ITPRID1: variants seen among roughly 807,000 people sequenced by gnomAD.
ITPRID1 encodes ITPR interacting domain containing 1.
In ITPRID1, 96 loss-of-function variants were observed where a neutral mutation model predicts 95.4. The observed-to-expected ratio is 1.01, with a 90% CI of 0.85 to 1.19. The LOEUF (loss-of-function observed/expected upper bound fraction) is 1.19. Ranked by LOEUF, ITPRID1 falls within the 50% of genes most tolerant of loss-of-function variation. The pLI, the probability that ITPRID1 is intolerant of heterozygous loss-of-function variation, is 0.00. For missense variants in ITPRID1, 1,339 were observed against 1,252.9 expected (o/e 1.07, Z -1.04); for synonymous variants, 510 against 453.6 (o/e 1.12, Z -1.58).
intron 10 of ITPRID1, among the ~76,000 whole-genome samples, chr7:31,590,568 A>G (rs1368452697): frequency 6.6e-6 from 1 of 152,186 alleles, no homozygotes; most frequent in African/African-American, 2.4e-5. Context: ...CAGTTCCACA[A>G]CATTGAACCT....
rs1791273513 is a variant in ITPRID1 at position 31,655,787 on chromosome 7, G to A, written c.*2958G>A. 8 of 985,452 alleles carry A rather than the reference G, an allele frequency of 8.1e-6. No individual in the cohort carries two copies. The highest frequency in any genetic ancestry group is 9.6e-6 in the Non-Finnish European group (8 of 829,988). 61.0% of individuals were successfully genotyped at this position (985,452 alleles called of 1,614,324 possible). On this transcript the variant is annotated 3_prime_UTR_variant, in exon 15 of 15. Coordinates refer to ENST00000615280, the MANE Select transcript of ITPRID1 (RefSeq NM_001257967.3). The stretch of plus-strand genomic sequence containing the variant: ...AGCTTTTTACTCTTTACCCAGGTTG[G>A]GCTTTTGACCTCCCCTTCTCCATGT...
intron 10 of ITPRID1, among the ~76,000 whole-genome samples, chr7:31,627,127 G>A (rs1401904531): frequency 2.0e-5 from 3 of 152,116 alleles, no homozygotes; most frequent in Non-Finnish European, 4.4e-5. Context: ...TTTGGATTTT[G>A]TCCACTGGAG....
In ITPRID1 at chr7:31,642,952, AC is replaced by A; in HGVS notation, c.1584del (p.Thr529ArgfsTer42). Reference sequence around the variant, plus strand: ...CCCAGACATGGCCTGTGCCAAGACCACCACGAGGGGAGAATGCCCAAGGAAA... The same window carrying A: ...CCCAGACATGGCCTGTGCCAAGACCACACGAGGGGAGAATGCCCAAGGAAA... ...YIPDMACAKTTTRGECPRKDS... is the reference protein window; with the variant it reads ...YIPDMACAKTXTRGECPRKDS... On this transcript the variant is annotated frameshift_variant, in exon 12 of 15. Coordinates refer to ENST00000615280, the MANE Select transcript of ITPRID1 (RefSeq NM_001257967.3). LOFTEE classifies it high-confidence loss of function. 6.2e-7 allele frequency: 1 copy of A among 1,614,008 alleles called. No individual in the cohort carries two copies. Among genetic ancestry groups the A allele is most frequent in the Non-Finnish European group, 8.5e-7 (1 of 1,179,892 alleles).
At chr7:31,576,813 A>T (rs6957691) in intron 8 of ITPRID1, among the ~76,000 whole-genome samples, 543 of 152,292 alleles carry the variant, frequency 3.6e-3, no homozygotes, top group African/African-American at 0.012. Flanking sequence ...GAGTTATGCA[A>T]CCCCACATGC....
At chr7:31,607,831 C>T (rs760870419) in intron 10 of ITPRID1, among the ~76,000 whole-genome samples, 2 of 151,526 alleles carry the variant, frequency 1.3e-5, no homozygotes, top group Non-Finnish European at 2.9e-5. Flanking sequence ...TATTTTTTAG[C>T]CTAATTTTTG....
Position 31,652,502 on chromosome 7 carries a change from C to G in ITPRID1, c.2824-16C>G. On this transcript the variant is annotated splice_polypyrimidine_tract_variant and intron_variant, in intron 14 of 14. Transcript: ENST00000615280. ...TGATGTGCTGTTTACTCTTTTTCCT[C>G]TTGTTTTCCTTTTAGCAGCTGGAGG... The G allele has an allele frequency of 6.4e-7, 1 of 1,571,272 alleles. No homozygotes were observed. Among genetic ancestry groups the G allele is most frequent in the African/African-American group, 1.4e-5 (1 of 73,944 alleles).
chr7:31,572,046 T>G (rs1785007754), intron 6 of ITPRID1, 56 bp from the exon 7 acceptor site: 1 of 1,147,516 alleles, frequency 8.7e-7, no homozygotes, highest in Non-Finnish European at 1.3e-6. Context: ...CACAATGACC[T>G]CCCAGGAGAC....
intron 5 of ITPRID1, among the ~76,000 whole-genome samples, chr7:31,559,305 C>A (rs1429556166): frequency 6.6e-6 from 1 of 152,142 alleles, no homozygotes; most frequent in Non-Finnish European, 1.5e-5. Flanking sequence ...CCTCTGGGAA[C>A]CACCATCATT....
chr7:31,549,517 AT>A lies in ITPRID1; in HGVS notation c.-24+23del. ...TATGAGTGGTGATTGTTTTGGATATATTTTTCATTAAATTTTCCCAAAAACT... is the reference window on the plus strand; with the variant it reads ...TATGAGTGGTGATTGTTTTGGATATATTTTCATTAAATTTTCCCAAAAACT... On this transcript the variant is annotated intron_variant, in intron 2 of 14. Transcript: ENST00000615280. 6.6e-7 allele frequency: 1 copy of A among 1,511,374 alleles called. No homozygotes were observed. The highest frequency in any genetic ancestry group is 8.8e-7 in the Non-Finnish European group (1 of 1,130,508). The allele number at this position is 1,511,374 out of a possible 1,614,324, so 93.6% of individuals were successfully genotyped here.
chr7:31,516,600 G>T (rs1428105247), intron 1 of ITPRID1, among the ~76,000 whole-genome samples: 1 of 151,764 alleles, frequency 6.6e-6, no homozygotes, highest in Non-Finnish European at 1.5e-5. Context: ...AGATTTGAAT[G>T]TAAGTCTGTC....
intron 1 of ITPRID1, among the ~76,000 whole-genome samples, chr7:31,527,491 G>A (rs566212965): frequency 3.3e-5 from 5 of 152,252 alleles, no homozygotes; most frequent in South Asian, 2.1e-4. Flanking sequence ...TATTAAAAAT[G>A]TGGAAAATGC....
In ITPRID1 at chr7:31,643,245, C is replaced by T; in HGVS notation, c.1875C>T (p.Phe625=). The T allele has an allele frequency of 6.2e-7, 1 of 1,613,846 alleles. No individual in the cohort carries two copies. Among genetic ancestry groups the T allele is most frequent in the Non-Finnish European group, 8.5e-7 (1 of 1,179,884 alleles). ...EAPREEESSG[F]CPHTNHSLLV... ...CACGAGAAGAGGAAAGCAGTGGATT[C>T]TGTCCTCACACCAACCACAGCTTAC... The change falls in exon 12 of 15, where the codon TTC becomes TTT. Residue 625 remains phenylalanine, a synonymous_variant. Transcript: ENST00000615280.
chr7:31,647,514 A>C (rs1479251635), intron 12 of ITPRID1, among the ~76,000 whole-genome samples: 3 of 151,708 alleles, frequency 2.0e-5, no homozygotes, highest in African/African-American at 7.3e-5. Flanking sequence ...CTACAAAAAA[A>C]AAAAAAAAAA....
chr7:31,546,043 C>T (rs761889285), intron 1 of ITPRID1, among the ~76,000 whole-genome samples: 27 of 151,944 alleles, frequency 1.8e-4, no homozygotes, highest in Non-Finnish European at 3.7e-4. Flanking sequence ...CTCCGTTGGA[C>T]AAACATTAAA....
At chr7:31,598,939 T>C (rs952325122) in intron 10 of ITPRID1, among the ~76,000 whole-genome samples, 1 of 152,172 alleles carries the variant, frequency 6.6e-6, no homozygotes, top group African/African-American at 2.4e-5. Context: ...CTATGGAAAA[T>C]GGCAATCTCT....
At chr7:31,580,792 CAG>C (rs1785372599) in intron 9 of ITPRID1, among the ~76,000 whole-genome samples, 1 of 152,070 alleles carries the variant, frequency 6.6e-6, no homozygotes, top group Non-Finnish European at 1.5e-5. Flanking sequence ...CACAGAAAAA[CAG>C]AACACTCTGT....
intron 10 of ITPRID1, among the ~76,000 whole-genome samples, chr7:31,637,892 C>A (rs1189877767): frequency 6.6e-6 from 1 of 152,168 alleles, no homozygotes; most frequent in African/African-American, 2.4e-5. Context: ...AGTCTTTAAT[C>A]CATCTTGAAT....
intron 10 of ITPRID1, among the ~76,000 whole-genome samples, chr7:31,630,719 C>A (rs1788915358): frequency 6.6e-6 from 1 of 151,716 alleles, no homozygotes; most frequent in Non-Finnish European, 1.5e-5. Flanking sequence ...AATAAATGAA[C>A]CTACAAAGAA....
chr7:31,534,999 A>G (rs975635191), intron 1 of ITPRID1, among the ~76,000 whole-genome samples: 2 of 152,118 alleles, frequency 1.3e-5, no homozygotes, highest in African/African-American at 4.8e-5. Flanking sequence ...TTCTACAATG[A>G]TGGAAACATT....
Sources: gnomAD v4.1 joint callset for allele counts (sites outside exome capture counted in the v4.1 genomes callset) on GRCh38, gnomAD v4.1.1 for gene constraint, MANE v1.5 for transcripts, NCBI Gene and HGNC (gene_info 2026-07-23, HGNC 2026-07-21) for gene names.